Variants in ZMYM4 observed in about 807,000 individuals in gnomAD.
ZMYM4 encodes zinc finger MYM-type protein 4.
A neutral mutation model predicts 183.2 loss-of-function variants in ZMYM4; 31 were observed. The observed-to-expected ratio is 0.17, with a 90% CI of 0.13 to 0.23. ZMYM4 has a LOEUF of 0.23. Ranked by LOEUF, ZMYM4 falls within the 10% of genes least tolerant of loss-of-function variation. The probability of loss-of-function intolerance (pLI) is 1.00; values close to 1 mark genes in which losing one functional copy is unlikely to be tolerated. For synonymous variants in ZMYM4, 592 were observed against 631.2 expected, an observed-to-expected ratio of 0.94 and a Z score of 0.93; for missense variants, 1,273 against 1,840.3, an observed-to-expected ratio of 0.69 and a Z score of 5.64.
At position 35,419,763 on chromosome 1, in the gene ZMYM4, C is replaced by CT. The variant is rs1187503942; in HGVS notation, c.*87dup. 2.2e-5 allele frequency: 30 copies of CT among 1,359,344 alleles called. No homozygotes were observed. Among genetic ancestry groups the CT allele is most frequent in the Non-Finnish European group, 2.7e-5 (26 of 972,488 alleles). 84.2% of individuals were successfully genotyped at this position (1,359,344 alleles called of 1,614,324 possible). A position where few individuals can be genotyped will look rare whatever the true frequency, so the allele number is the denominator to read the frequency against. ...AGCTGTTGGAAAATGATGTATAAGT[C>CT]TAAGTCCTCTTGACTTGACCATAAG... is the stretch of plus-strand genomic sequence containing the variant. On this transcript the variant is annotated 3_prime_UTR_variant, in exon 30 of 30. Coordinates refer to ENST00000314607, the MANE Select transcript of ZMYM4 (RefSeq NM_005095.3).
At position 35,288,661 on chromosome 1, in the gene ZMYM4, A is replaced by G. The variant is rs539987263; in HGVS notation, c.39+19576A>G. 5.9e-5 allele frequency among the ~76,000 whole-genome samples: 9 copies of G among 152,306 alleles called. No homozygotes were observed. The South Asian group carries it at 8.3e-4, about 14-fold the overall frequency. On this transcript the variant is annotated intron_variant, in intron 1 of 29. Coordinates refer to ENST00000314607, the MANE Select transcript of ZMYM4 (RefSeq NM_005095.3). The stretch of plus-strand genomic sequence containing the variant: ...AGAACAAATATGTATGTATTTATAT[A>G]TGTATTATGTGTGGCTGATCTAGGA...
chr1:35,378,074 C>T (rs1297213430), intron 7 of ZMYM4, among the ~76,000 whole-genome samples: 1 of 152,184 alleles, frequency 6.6e-6, no homozygotes, highest in Non-Finnish European at 1.5e-5. Context: ...ACTTTCCTTG[C>T]TCATCCATTG....
At chr1:35,296,519 TG>T (rs1641015994) in intron 1 of ZMYM4, among the ~76,000 whole-genome samples, 2 of 152,230 alleles carry the variant, frequency 1.3e-5, no homozygotes. Flanking sequence ...TGGAATTTTT[TG>T]GCCTGTAAAA....
chr1:35,393,697 A>G lies in ZMYM4; in HGVS notation c.2869A>G (p.Thr957Ala). The G allele has an allele frequency of 6.2e-7, 1 of 1,611,284 alleles. No individual in the cohort carries two copies. The highest frequency in any genetic ancestry group is 8.5e-7 in the Non-Finnish European group (1 of 1,178,280). Residue 957 changes from threonine to alanine, a missense_variant, in exon 18 of 30, where the codon ACC becomes GCC. Transcript: ENST00000314607. ...CAAACCCATCACACAGACTAAAGCC[A>G]CCTCTTGCAAACCACATACCCAAAA... ...LCKPITQTKA[T>A]SCKPHTQNKE... is the part of the protein sequence containing the mutation.
intron 2 of ZMYM4, among the ~76,000 whole-genome samples, chr1:35,337,262 T>C (rs1643014201): frequency 6.6e-6 from 1 of 152,064 alleles, no homozygotes; most frequent in Non-Finnish European, 1.5e-5. Flanking sequence ...CTTGGGAAAC[T>C]GAGGCAGGGG....
intron 18 of ZMYM4, 46 bp downstream of exon 18, chr1:35,393,785 GA>G: frequency 1.3e-6 from 2 of 1,539,392 alleles, no homozygotes; most frequent in Non-Finnish European, 1.8e-6. Flanking sequence ...TTAAGGGAAA[GA>G]AATGTAGGAT....
At chr1:35,414,961 GCA>G (rs1226599980) in intron 27 of ZMYM4, among the ~76,000 whole-genome samples, 1 of 152,034 alleles carries the variant, frequency 6.6e-6, no homozygotes, top group African/African-American at 2.4e-5. Flanking sequence ...GGTGGGAGAA[GCA>G]CCTGAGCCCA....
rs145447012 is a variant in ZMYM4 at position 35,308,063 on chromosome 1, C to G, written c.40-17297C>G. On this transcript the variant is annotated intron_variant, in intron 1 of 29. Transcript: ENST00000314607. Reference sequence around the variant, plus strand: ...CTGGAGTGCAGTGGCTCAATCTTGGCTCACTGCAACCTCCACCTCCTGGGT... The same window carrying G: ...CTGGAGTGCAGTGGCTCAATCTTGGGTCACTGCAACCTCCACCTCCTGGGT... Among the ~76,000 whole-genome samples, 13 of 152,236 alleles carry G rather than the reference C, an allele frequency of 8.5e-5. 2 individuals carry two copies. Among genetic ancestry groups the G allele is most frequent in the African/African-American group, 2.6e-4 (11 of 41,542 alleles).
chr1:35,361,333 TA>T, intron 4 of ZMYM4, 78 bp downstream of exon 4: 1 of 1,391,694 alleles, frequency 7.2e-7, no homozygotes, highest in East Asian at 2.3e-5. Flanking sequence ...TTCTAAATTC[TA>T]ACAATGTATT....
At chr1:35,293,590 T>G (rs1166231828) in intron 1 of ZMYM4, among the ~76,000 whole-genome samples, 1 of 152,164 alleles carries the variant, frequency 6.6e-6, no homozygotes, top group African/African-American at 2.4e-5. Flanking sequence ...GTACTAAGAT[T>G]ACAGGCGTGA....
At chr1:35,314,523 G>C (rs899411627) in intron 1 of ZMYM4, among the ~76,000 whole-genome samples, 4 of 151,366 alleles carry the variant, frequency 2.6e-5, no homozygotes, top group Non-Finnish European at 4.4e-5. Flanking sequence ...GACCTCAAGT[G>C]ATCCACCTGC....
chr1:35,332,599 C>T (rs60148362), intron 2 of ZMYM4, among the ~76,000 whole-genome samples: 9,765 of 152,124 alleles, frequency 0.064, 916 homozygotes, highest in East Asian at 0.44. Context: ...CCTTGCCTTC[C>T]TCATAGTGTG....
intron 2 of ZMYM4, among the ~76,000 whole-genome samples, chr1:35,336,194 A>G (rs928999017): frequency 6.6e-6 from 1 of 152,100 alleles, no homozygotes; most frequent in African/African-American, 2.4e-5. Context: ...AAGGTTCATC[A>G]TGTTGTACCT....
At chr1:35,325,004 A>G (rs1642445440) in intron 1 of ZMYM4, among the ~76,000 whole-genome samples, 1 of 152,018 alleles carries the variant, frequency 6.6e-6, no homozygotes, top group Non-Finnish European at 1.5e-5. Flanking sequence ...TTTGATGGGA[A>G]GTTTTACATA....
At chr1:35,350,223 GAAA>G (rs34466044) in intron 2 of ZMYM4, among the ~76,000 whole-genome samples, 4 of 72,432 alleles carry the variant, frequency 5.5e-5, no homozygotes, top group African/African-American at 1.9e-4. Context: ...ACTCCATCTT[GAAA>G]AAAAAAAAAA....
intron 1 of ZMYM4, among the ~76,000 whole-genome samples, chr1:35,308,500 G>T (rs771029257): frequency 6.6e-6 from 1 of 152,106 alleles, no homozygotes; most frequent in Admixed American, 6.5e-5. Context: ...AACCCTAGTC[G>T]CCTGAACTAG....
At chr1:35,281,815 A>G (rs940951563) in intron 1 of ZMYM4, among the ~76,000 whole-genome samples, 1 of 152,212 alleles carries the variant, frequency 6.6e-6, no homozygotes, top group African/African-American at 2.4e-5. Context: ...GTAACCCTGC[A>G]TGGTCCCTTG....
chr1:35,311,376 C>T (rs561622954), intron 1 of ZMYM4, among the ~76,000 whole-genome samples: 123 of 149,068 alleles, frequency 8.3e-4, no homozygotes, highest in African/African-American at 2.9e-3. Context: ...GAGCCGATAT[C>T]ATGCCATTGC....
chr1:35,370,252 G>C, intron 6 of ZMYM4, 120 bp from the exon 7 acceptor site: 1 of 1,443,904 alleles, frequency 6.9e-7, no homozygotes, highest in Non-Finnish European at 9.2e-7. Context: ...CATAATTACT[G>C]TTGGGTTTCA....
Sources: allele counts gnomAD v4.1 joint callset (sites outside exome capture counted in the v4.1 genomes callset), GRCh38; gene constraint gnomAD v4.1.1; transcripts MANE v1.5; gene names NCBI Gene and HGNC (gene_info 2026-07-23, HGNC 2026-07-21).